Variants in BICD1 observed in about 807,000 individuals in gnomAD.
BICD1 encodes the protein protein bicaudal D homolog 1.
Under a neutral mutation model 92.5 loss-of-function variants are expected in BICD1, and 35 were observed. The ratio of observed to expected loss-of-function variants is 0.38; its 90% CI spans 0.29 to 0.50. The LOEUF (loss-of-function observed/expected upper bound fraction) is 0.50. BICD1 is among the 20% of genes least tolerant of loss of function. The pLI is 0.93. For missense variants in BICD1, 950 were observed against 1,189.8 expected (o/e 0.80, Z 2.97); for synonymous variants, 429 against 465.1 (o/e 0.92, Z 1.00).
chr12:32,342,664 A>C (rs111667488), intron 8 of BICD1, among the ~76,000 whole-genome samples: 3 of 152,222 alleles, frequency 2.0e-5, no homozygotes, highest in African/African-American at 7.2e-5. Context: ...ACTAAAAATG[A>C]AATCAGTTTA....
intron 2 of BICD1, among the ~76,000 whole-genome samples, chr12:32,247,236 CAA>C (rs200029154): frequency 0.033 from 4,424 of 135,062 alleles, 82 homozygotes; most frequent in Middle Eastern, 0.085. Flanking sequence ...GACCCTGTAT[CAA>C]AAAAAAAAAA....
chr12:32,195,090 C>CAAAAAAAAAAAAA (rs3043308), intron 1 of BICD1, among the ~76,000 whole-genome samples: 1 of 117,428 alleles, frequency 8.5e-6, no homozygotes, highest in Non-Finnish European at 1.7e-5. Flanking sequence ...AGAGTGAGAC[C>CAAAAAAAAAAAAA]AAAAAAAAAA....
Position 32,243,264 on chromosome 12 carries a change from A to ATTTTTTTTTTTTT in BICD1, c.426+26814_426+26826dup, listed in dbSNP as rs71068310. ...AGGCACGCCCCACCATGCCTGGCTA[A>ATTTTTTTTTTTTT]TTTTTTTTTTTTTTTTTTTTTGTAT... On this transcript the variant is annotated intron_variant, in intron 2 of 9. Coordinates refer to ENST00000652176, the MANE Select transcript of BICD1 (RefSeq NM_001714.4). 2.3e-3 allele frequency among the ~76,000 whole-genome samples: 173 copies of ATTTTTTTTTTTTT among 74,020 alleles called. 2 individuals are homozygous for ATTTTTTTTTTTTT. The highest frequency in any genetic ancestry group is 6.0e-3 in the African/African-American group (97 of 16,266). 48.6% of individuals were successfully genotyped at this position (74,020 alleles called of 152,430 possible).
intron 2 of BICD1, among the ~76,000 whole-genome samples, chr12:32,229,954 G>GATT (rs143011620): frequency 0.017 from 2,551 of 152,256 alleles, 30 homozygotes; most frequent in Non-Finnish European, 0.025. Flanking sequence ...AAAATGGAGG[G>GATT]ATTGCCCTTA....
chr12:32,270,073 A>T (rs1947097455), intron 2 of BICD1, among the ~76,000 whole-genome samples: 1 of 142,614 alleles, frequency 7.0e-6, no homozygotes, highest in Non-Finnish European at 1.5e-5. Context: ...GTGAGCCAAG[A>T]TGGCACCACT....
chr12:32,208,753 C>T (rs1357167514), intron 1 of BICD1, among the ~76,000 whole-genome samples: 2 of 152,192 alleles, frequency 1.3e-5, no homozygotes, highest in African/African-American at 4.8e-5. Flanking sequence ...TCAGTTCTAA[C>T]ATGTTTAGCT....
chr12:32,121,634 G>A lies in BICD1; in HGVS notation c.213+14090G>A, dbSNP rs191764749. Among the ~76,000 whole-genome samples, 40 of 150,206 alleles carry A rather than the reference G, an allele frequency of 2.7e-4. No individual in the cohort carries two copies. The East Asian group carries it at 4.5e-3, about 17-fold the overall frequency. The stretch of plus-strand genomic sequence containing the variant: ...TAAAAATAAAAATAAAAATAAAAGC[G>A]CTGAGGTGGAAGGATGGCTTGAGCC... On this transcript the variant is annotated intron_variant, in intron 1 of 9. Coordinates refer to ENST00000652176, the MANE Select transcript of BICD1 (RefSeq NM_001714.4).
In BICD1 at chr12:32,243,160, C is replaced by T. The variant is rs549875362; in HGVS notation, c.426+26701C>T. ...TTGCCCAGGCCGGAGTGCAGTGGTA[C>T]GATCTTGGCTCACTGCAACCTCCAC... On this transcript the variant is annotated intron_variant, in intron 2 of 9. Transcript: ENST00000652176. Among the ~76,000 whole-genome samples, 14 of 151,028 alleles carry T rather than the reference C, an allele frequency of 9.3e-5. No individual in the cohort carries two copies. In the South Asian group the frequency reaches 1.0e-3, roughly 11 times the overall value.
chr12:32,116,462 G>GTCTCTCTC (rs1173406919), intron 1 of BICD1, among the ~76,000 whole-genome samples: 2 of 91,660 alleles, frequency 2.2e-5, no homozygotes, highest in African/African-American at 4.8e-5. Flanking sequence ...CTGTCTGTCT[G>GTCTCTCTC]TCTCTCTCTC....
chr12:32,361,510 G>A (rs1348932077), intron 8 of BICD1, among the ~76,000 whole-genome samples: 8 of 146,858 alleles, frequency 5.4e-5, no homozygotes, highest in South Asian at 2.1e-4. Context: ...CCAAGATCAC[G>A]TCACTTCACT....
At position 32,380,978 on chromosome 12, in the gene BICD1, A is replaced by C. The variant is rs1007377919; in HGVS notation, c.*3351A>C. On this transcript the variant is annotated 3_prime_UTR_variant, in exon 10 of 10. Coordinates refer to ENST00000652176, the MANE Select transcript of BICD1 (RefSeq NM_001714.4). ...GTGGAAATTGATAATCATAAAGAATATTTGTTTTGTAAAAATTGAATATCA... is the reference window on the plus strand; with the variant it reads ...GTGGAAATTGATAATCATAAAGAATCTTTGTTTTGTAAAAATTGAATATCA... 3 of 152,092 alleles carry C rather than the reference A, an allele frequency of 2.0e-5. No homozygotes were observed. The highest frequency in any genetic ancestry group is 2.0e-4 in the Admixed American group (3 of 15,240). The allele number at this position is 152,092 out of a possible 1,614,324, so 9.4% of individuals were successfully genotyped here.
intron 4 of BICD1, among the ~76,000 whole-genome samples, chr12:32,306,490 C>A (rs944574698): frequency 6.6e-6 from 1 of 151,918 alleles, no homozygotes; most frequent in South Asian, 2.1e-4. Flanking sequence ...GTGATCCGCC[C>A]GCCTTGGCCT....
rs55834729 is a variant in BICD1 at position 32,267,206 on chromosome 12, A to G, written c.427-26788A>G. ...GTCTATCCATTTGCCTCTTTCCTAG[A>G]CATCTTATCCCTAGCCTTTCAAACT... On this transcript the variant is annotated intron_variant, in intron 2 of 9. Transcript: ENST00000652176. 2.4e-3 allele frequency among the ~76,000 whole-genome samples: 372 copies of G among 152,332 alleles called. 3 individuals are homozygous for G. Among genetic ancestry groups the G allele is most frequent in the South Asian group, 0.019 (93 of 4,826 alleles).
At chr12:32,322,006 T>A (rs1001189190) in intron 4 of BICD1, among the ~76,000 whole-genome samples, 2 of 151,964 alleles carry the variant, frequency 1.3e-5, no homozygotes, top group African/African-American at 4.8e-5. Context: ...CTCAAAAAAA[T>A]AAAATAAATA....
At chr12:32,210,211 C>T (rs1440701249) in intron 1 of BICD1, among the ~76,000 whole-genome samples, 3 of 151,926 alleles carry the variant, frequency 2.0e-5, no homozygotes, top group African/African-American at 4.8e-5. Flanking sequence ...AAATACTTGC[C>T]GAGTGAATGA....
chr12:32,357,088 T>C (rs1308282124), intron 8 of BICD1, among the ~76,000 whole-genome samples: 1 of 150,946 alleles, frequency 6.6e-6, no homozygotes, highest in Non-Finnish European at 1.5e-5. Flanking sequence ...CTCGGCTCAT[T>C]GCAACCTCCA....
At chr12:32,166,205 G>C (rs1017129636) in intron 1 of BICD1, among the ~76,000 whole-genome samples, 2 of 151,436 alleles carry the variant, frequency 1.3e-5, no homozygotes, top group Admixed American at 1.3e-4. Context: ...GCGCAATCTC[G>C]GCTCACTGCA....
chr12:32,180,938 AT>A lies in BICD1; in HGVS notation c.214-35298del, dbSNP rs997032143. Among the ~76,000 whole-genome samples, 24 of 150,540 alleles carry A rather than the reference AT, an allele frequency of 1.6e-4. 1 individual carries two copies. Among genetic ancestry groups the A allele is most frequent in the Admixed American group, 2.7e-4 (4 of 15,064 alleles). Reference sequence around the variant, plus strand: ...TATCATATTCTCTTGTGGGCACCAAATTTTTTTTTTTAATTTTATTGTATCT... The same window carrying A: ...TATCATATTCTCTTGTGGGCACCAAATTTTTTTTTTAATTTTATTGTATCT... On this transcript the variant is annotated intron_variant, in intron 1 of 9. Transcript: ENST00000652176.
At chr12:32,241,031 TC>T (rs1946222020) in intron 2 of BICD1, among the ~76,000 whole-genome samples, 1 of 152,150 alleles carries the variant, frequency 6.6e-6, no homozygotes, top group Non-Finnish European at 1.5e-5. Context: ...CACTCCAAGG[TC>T]AGACAGTATT....
Sources: allele counts gnomAD v4.1 joint callset (sites outside exome capture counted in the v4.1 genomes callset), GRCh38; gene constraint gnomAD v4.1.1; transcripts MANE v1.5; gene names NCBI Gene and HGNC (gene_info 2026-07-23, HGNC 2026-07-21).